Variants in ERMP1 observed in about 807,000 individuals in gnomAD.
The protein encoded by ERMP1 is endoplasmic reticulum metallopeptidase 1.
A neutral mutation model predicts 92.0 loss-of-function variants in ERMP1; 86 were observed. The observed-to-expected ratio is 0.93, with a 90% CI of 0.79 to 1.12. The LOEUF (loss-of-function observed/expected upper bound fraction) is 1.12. Among genes scored for constraint, ERMP1 ranks in the 50% most tolerant of loss-of-function variants. ERMP1 has a pLI of 0.00. For missense variants in ERMP1, 1,342 were observed against 1,116.3 expected, an observed-to-expected ratio of 1.20 and a Z score of -2.88; for synonymous variants, 530 against 412.8, an observed-to-expected ratio of 1.28 and a Z score of -3.44.
At position 5,832,731 on chromosome 9, in the gene ERMP1, C is replaced by G; in HGVS notation, c.297G>C (p.Gly99=). ...CGAACTCCCCGCGGTGTCCAGCGGC[C>G]CCGCGTAGCACGAGCTGCTGCAGCG... ...QLSLQQLVLR[G]AAGHRGEFDA... Residue 99 remains glycine, a synonymous_variant, in exon 1 of 15, where the codon GGG becomes GGC. Transcript: ENST00000339450. 1 of 1,495,576 alleles carries G rather than the reference C, an allele frequency of 6.7e-7. No individual in the cohort carries two copies. Among genetic ancestry groups the G allele is most frequent in the Non-Finnish European group, 8.8e-7 (1 of 1,131,208 alleles). 92.6% of individuals were successfully genotyped at this position (1,495,576 alleles called of 1,614,324 possible).
intron 13 of ERMP1, among the ~76,000 whole-genome samples, chr9:5,789,763 A>G (rs768442897): frequency 7.9e-5 from 12 of 151,964 alleles, no homozygotes; most frequent in Admixed American, 7.2e-4. Flanking sequence ...AGCCCACTGC[A>G]GCCTTGACTT....
intron 7 of ERMP1, 93 bp from the exon 8 acceptor site, chr9:5,810,324 A>G: frequency 1.2e-6 from 1 of 831,668 alleles, no homozygotes; most frequent in African/African-American, 1.7e-5. Context: ...ACATTAAAAC[A>G]AAAAACTCCC....
At chr9:5,852,280 T>C (rs889011344) in intron 6 of ERMP1, among the ~76,000 whole-genome samples, 9 of 151,914 alleles carry the variant, frequency 5.9e-5, no homozygotes, top group Non-Finnish European at 1.5e-5. Flanking sequence ...GTTTTTTTTT[T>C]CCAGACAGCG....
At position 5,805,666 on chromosome 9, in the gene ERMP1, C is replaced by G; in HGVS notation, c.1668G>C (p.Trp556Cys). 1 of 1,612,492 alleles carries G rather than the reference C, an allele frequency of 6.2e-7. No individual in the cohort carries two copies. Among genetic ancestry groups the G allele is most frequent in the Non-Finnish European group, 8.5e-7 (1 of 1,179,428 alleles). The change falls in exon 9 of 15, where the codon TGG becomes TGC. Residue 556 changes from tryptophan (W) to cysteine (C), a missense_variant. Physicochemically the swap from Trp to Cys is radical, Grantham distance 215 (BLOSUM62 -2). Coordinates refer to ENST00000339450, the MANE Select transcript of ERMP1 (RefSeq NM_024896.3). ...GLCSAFISAV[W>C]VAFPLLTKLC... is the part of the protein sequence containing the mutation. ...GCTTTGTGAGCAATGGGAATGCTACCCAGACAGCACTAATAAACGCCGAGC... is the reference window on the plus strand; with the variant it reads ...GCTTTGTGAGCAATGGGAATGCTACGCAGACAGCACTAATAAACGCCGAGC...
At chr9:5,806,823 A>G (rs1030005605) in intron 8 of ERMP1, among the ~76,000 whole-genome samples, 3 of 152,170 alleles carry the variant, frequency 2.0e-5, no homozygotes. Flanking sequence ...GTGCATAAAT[A>G]CAAAGATGGA....
intron 8 of ERMP1, among the ~76,000 whole-genome samples, 190 bp from the exon 9 acceptor site, chr9:5,805,975 T>C (rs1430931377): frequency 6.6e-6 from 1 of 152,226 alleles, no homozygotes; most frequent in African/African-American, 2.4e-5. Flanking sequence ...AATTCAAATG[T>C]AGCACAAGAA....
Position 5,830,541 on chromosome 9 carries a change from TAAGAG to T in ERMP1, c.640+181_640+185del, listed in dbSNP as rs1408841684. ...CAAAAAATAATATTAATAAAGCACT[TAAGAG>T]AAGACAGAATGGTTAGATCCTAAAC... On this transcript the variant is annotated intron_variant, in intron 2 of 14. Coordinates refer to ENST00000339450, the MANE Select transcript of ERMP1 (RefSeq NM_024896.3). Among the ~76,000 whole-genome samples, 5 of 152,282 alleles carry T rather than the reference TAAGAG, an allele frequency of 3.3e-5. No individual in the cohort carries two copies. The South Asian group carries it at 6.2e-4, about 19-fold the overall frequency.
At chr9:5,847,788 G>A (rs913304192) in intron 6 of ERMP1, among the ~76,000 whole-genome samples, 16 of 151,754 alleles carry the variant, frequency 1.1e-4, no homozygotes, top group African/African-American at 2.9e-4. Context: ...CCAGCTACTC[G>A]GGAGGCTGAG....
intron 4 of ERMP1, among the ~76,000 whole-genome samples, chr9:5,813,587 A>G (rs1259440065): frequency 6.6e-6 from 1 of 152,110 alleles, no homozygotes; most frequent in East Asian, 1.9e-4. Flanking sequence ...AAATGCTCCA[A>G]TGAACATTTT....
chr9:5,811,060 G>C, intron 7 of ERMP1, 51 bp downstream of exon 7: 1 of 1,289,782 alleles, frequency 7.8e-7, no homozygotes, highest in Non-Finnish European at 1.1e-6. Flanking sequence ...AAAACTTCAA[G>C]CACATTCTAC....
chr9:5,811,478 GCTTT>G (rs749485261), intron 6 of ERMP1, among the ~76,000 whole-genome samples, 155 bp from the exon 7 acceptor site: 5 of 152,086 alleles, frequency 3.3e-5, no homozygotes, highest in Non-Finnish European at 7.4e-5. Flanking sequence ...AACAGAAATC[GCTTT>G]CTACCATCCT....
At chr9:5,857,870 C>T in intron 6 of ERMP1, among the ~76,000 whole-genome samples, 1 of 152,156 alleles carries the variant, frequency 6.6e-6, no homozygotes, top group East Asian at 1.9e-4. Flanking sequence ...CTAGTAGAGG[C>T]TTAAAAATAT....
At chr9:5,793,513 G>A (rs1586767497) in intron 13 of ERMP1, among the ~76,000 whole-genome samples, 1 of 151,988 alleles carries the variant, frequency 6.6e-6, no homozygotes, top group South Asian at 2.1e-4. Flanking sequence ...CGTCAGGGTG[G>A]ATCAAAAAAC....
At chr9:5,830,288 T>C (rs1829889672) in intron 2 of ERMP1, among the ~76,000 whole-genome samples, 1 of 152,176 alleles carries the variant, frequency 6.6e-6, no homozygotes, top group Non-Finnish European at 1.5e-5. Flanking sequence ...AGCCAAAAGA[T>C]TGGACACCCC....
At chr9:5,832,655 A>C in intron 1 of ERMP1, 35 bp downstream of exon 1, 1 of 1,360,798 alleles carries the variant, frequency 7.3e-7, no homozygotes, top group South Asian at 1.7e-5. Flanking sequence ...CCGCAAACGG[A>C]CGCGCGGGCC....
chr9:5,800,070 T>G (rs1269569279), intron 11 of ERMP1, among the ~76,000 whole-genome samples: 2 of 152,226 alleles, frequency 1.3e-5, no homozygotes, highest in African/African-American at 2.4e-5. Context: ...CATTTCTGTT[T>G]GGCTAGATTA....
chr9:5,851,887 G>C (rs1271782989), intron 6 of ERMP1, among the ~76,000 whole-genome samples: 1 of 152,094 alleles, frequency 6.6e-6, no homozygotes, highest in African/African-American at 2.4e-5. Context: ...TTTTTTAAAA[G>C]CTTGGAGAGA....
chr9:5,822,276 T>C (rs2131260479), intron 4 of ERMP1, among the ~76,000 whole-genome samples: 1 of 152,130 alleles, frequency 6.6e-6, no homozygotes, highest in Non-Finnish European at 1.5e-5. Flanking sequence ...AATATATAGA[T>C]ATAGATATAT....
At chr9:5,835,856 T>G (rs1830090758), upstream of ERMP1, among the ~76,000 whole-genome samples, 2 of 152,248 alleles carry the variant, frequency 1.3e-5, no homozygotes. Context: ...TTTGAAGTGT[T>G]CAAAGCCAGT....
Sources: allele counts gnomAD v4.1 joint callset (sites outside exome capture counted in the v4.1 genomes callset), GRCh38; gene constraint gnomAD v4.1.1; transcripts MANE v1.5; gene names NCBI Gene and HGNC (gene_info 2026-07-23, HGNC 2026-07-21).